Variants in GLOD4 observed in about 807,000 individuals in gnomAD.
The protein encoded by GLOD4 is glyoxalase domain containing 4, also known as glyoxalase domain-containing protein 4.
Under a neutral mutation model 39.1 loss-of-function variants are expected in GLOD4, and 44 were observed. The ratio of observed to expected loss-of-function variants is 1.13; its 90% CI spans 0.88 to 1.45. The LOEUF (loss-of-function observed/expected upper bound fraction) is 1.45, where lower values mean the gene tolerates loss of function less well. Among genes scored for constraint, GLOD4 ranks in the 40% most tolerant of loss-of-function variants. The pLI is 0.00. For synonymous variants in GLOD4, 145 were observed against 135.0 expected, an observed-to-expected ratio of 1.07 and a Z score of -0.52; for missense variants, 405 against 366.4, an observed-to-expected ratio of 1.11 and a Z score of -0.86.
intron 4 of GLOD4, 25 bp downstream of exon 4, chr17:775,750 C>T (rs1452767576): frequency 1.2e-6 from 2 of 1,604,168 alleles, no homozygotes; most frequent in African/African-American, 1.3e-5. Context: ...TAGACAGAGG[C>T]TTTTACTGGT....
intron 4 of GLOD4, among the ~76,000 whole-genome samples, chr17:772,315 T>A (rs1364611424): frequency 1.3e-5 from 2 of 150,960 alleles, no homozygotes; most frequent in Non-Finnish European, 2.9e-5. Context: ...ACAAAATACA[T>A]TCCTGATGGG....
intron 3 of GLOD4, among the ~76,000 whole-genome samples, 169 bp downstream of exon 3, chr17:776,699 G>A (rs1053528226): frequency 2.0e-5 from 3 of 152,040 alleles, no homozygotes; most frequent in African/African-American, 7.3e-5. Context: ...AATATTCTCT[G>A]CCTGGAACGC....
intron 8 of GLOD4, among the ~76,000 whole-genome samples, chr17:768,350 C>T (rs554461193): frequency 3.4e-5 from 5 of 144,950 alleles, no homozygotes; most frequent in South Asian, 2.2e-4. Flanking sequence ...AGAAACAGCG[C>T]GCACTCAGAT....
At chr17:773,285 C>T (rs772536944) in intron 4 of GLOD4, among the ~76,000 whole-genome samples, 1 of 152,114 alleles carries the variant, frequency 6.6e-6, no homozygotes, top group Admixed American at 6.5e-5. Flanking sequence ...AGGGCTTTTA[C>T]GACAAAGACA....
intron 8 of GLOD4, among the ~76,000 whole-genome samples, chr17:769,424 G>C (rs566420121): frequency 6.7e-6 from 1 of 149,984 alleles, no homozygotes; most frequent in Admixed American, 6.6e-5. Context: ...TCTCCCTGGC[G>C]AGAGCTGAGG....
chr17:771,203 G>C, intron 5 of GLOD4, 122 bp downstream of exon 5: 1 of 629,798 alleles, frequency 1.6e-6, no homozygotes, highest in Non-Finnish European at 2.8e-6. Flanking sequence ...TTGAATCACT[G>C]TGAAGAAACT....
At position 759,962 on chromosome 17, in the gene GLOD4, C is replaced by T. The variant is rs1278855107; in HGVS notation, c.*211G>A. On this transcript the variant is annotated 3_prime_UTR_variant, in exon 9 of 9. Transcript: ENST00000301329. ...GCAGTCCCAGCAACAGTGTAGATTA[C>T]AGCAGGCGTTCTCTACCTGGACTCA... The T allele has an allele frequency of 8.7e-6, 5 of 573,792 alleles. No homozygotes were observed. The highest frequency in any genetic ancestry group is 1.2e-5 in the Non-Finnish European group (4 of 323,022). 35.5% of individuals were successfully genotyped at this position (573,792 alleles called of 1,614,324 possible).
intron 4 of GLOD4, among the ~76,000 whole-genome samples, chr17:771,878 T>TGGC (rs1315331890): frequency 6.6e-6 from 1 of 151,682 alleles, no homozygotes; most frequent in Non-Finnish European, 1.5e-5. Flanking sequence ...CTGGGCGTGG[T>TGGC]GGCGCACGCC....
intron 2 of GLOD4, chr17:777,232 C>A: frequency 1.8e-6 from 1 of 545,362 alleles, no homozygotes; most frequent in East Asian, 3.1e-5. Context: ...TTCTGTAAAG[C>A]AAGGAACAGA....
intron 4 of GLOD4, among the ~76,000 whole-genome samples, chr17:773,405 AG>A (rs1271559642): frequency 2.0e-5 from 3 of 152,226 alleles, no homozygotes; most frequent in African/African-American, 7.2e-5. Flanking sequence ...CTCCTAAAAA[AG>A]GATATACAGA....
chr17:779,768 C>G (rs1909567975), intron 1 of GLOD4, among the ~76,000 whole-genome samples: 1 of 152,178 alleles, frequency 6.6e-6, no homozygotes, highest in African/African-American at 2.4e-5. Flanking sequence ...CTCACAGAAC[C>G]CTGCACACAG....
intron 8 of GLOD4, among the ~76,000 whole-genome samples, chr17:762,354 G>A (rs1195253386): frequency 6.6e-6 from 1 of 152,234 alleles, no homozygotes; most frequent in Non-Finnish European, 1.5e-5. Flanking sequence ...TGTCCAGGGA[G>A]GGAGCAGGGC....
chr17:781,668 G>A (rs1160726466), intron 1 of GLOD4, among the ~76,000 whole-genome samples: 1 of 152,246 alleles, frequency 6.6e-6, no homozygotes, highest in Non-Finnish European at 1.5e-5. Context: ...GAGACAGACC[G>A]CTTCTGGGTG....
chr17:770,528 A>AT, intron 5 of GLOD4, 21 bp from the exon 6 acceptor site: 2 of 1,156,306 alleles, frequency 1.7e-6, no homozygotes, highest in Non-Finnish European at 2.6e-6. Flanking sequence ...AAAGGGGGTT[A>AT]TTTTTTGGAA....
At chr17:770,230 G>A (rs1221936074) in intron 6 of GLOD4, 73 bp from the exon 7 acceptor site, 2 of 833,238 alleles carry the variant, frequency 2.4e-6, no homozygotes, top group Non-Finnish European at 4.1e-6. Context: ...CAGTCCTAGA[G>A]GAGTATCAGA....
chr17:766,063 A>C (rs1379894048), intron 8 of GLOD4, among the ~76,000 whole-genome samples: 1 of 151,844 alleles, frequency 6.6e-6, no homozygotes, highest in Non-Finnish European at 1.5e-5. Context: ...TTGGGAGGCC[A>C]AGATGGATCG....
At chr17:785,658 C>T (rs371093288), upstream of GLOD4, among the ~76,000 whole-genome samples, 5 of 152,176 alleles carry the variant, frequency 3.3e-5, no homozygotes, top group African/African-American at 1.2e-4. Flanking sequence ...ACAGCCCCTT[C>T]GTTTTGCAGA....
chr17:776,103 A>G (rs1328164922), intron 3 of GLOD4, among the ~76,000 whole-genome samples, 184 bp from the exon 4 acceptor site: 1 of 152,254 alleles, frequency 6.6e-6, no homozygotes, highest in Non-Finnish European at 1.5e-5. Flanking sequence ...ACAAACATTC[A>G]GACCTTTGTG....
At chr17:779,454 A>AC (rs1259321191) in intron 1 of GLOD4, among the ~76,000 whole-genome samples, 4 of 150,554 alleles carry the variant, frequency 2.7e-5, no homozygotes, top group African/African-American at 7.3e-5. Flanking sequence ...ACACAGTGAA[A>AC]CCCCATCTCT....
Sources: allele counts gnomAD v4.1 joint callset (sites outside exome capture counted in the v4.1 genomes callset), GRCh38; gene constraint gnomAD v4.1.1; transcripts MANE v1.5; gene names NCBI Gene and HGNC (gene_info 2026-07-23, HGNC 2026-07-21).